GPR137B: variants seen among roughly 807,000 people sequenced by gnomAD.
GPR137B encodes integral membrane protein GPR137B.
Under a neutral mutation model 42.5 loss-of-function variants are expected in GPR137B, and 42 were observed. The ratio of observed to expected loss-of-function variants is 0.99; its 90% CI spans 0.77 to 1.28. The LOEUF (loss-of-function observed/expected upper bound fraction) is 1.28. Among genes scored for constraint, GPR137B ranks in the 50% most tolerant of loss-of-function variants. GPR137B has a pLI of 0.00. For missense variants in GPR137B, 487 were observed against 493.9 expected (o/e 0.99, Z 0.13); for synonymous variants, 218 against 209.7 (o/e 1.04, Z -0.34).
chr1:236,173,565 G>A (rs960744385), intron 2 of GPR137B, among the ~76,000 whole-genome samples: 2 of 152,122 alleles, frequency 1.3e-5, no homozygotes, highest in African/African-American at 2.4e-5. Context: ...TTGAAGACTC[G>A]CCTCATCCCT....
chr1:236,145,731 C>T (rs1306092158), intron 1 of GPR137B, among the ~76,000 whole-genome samples: 1 of 152,090 alleles, frequency 6.6e-6, no homozygotes, highest in East Asian at 1.9e-4. Context: ...CGGTATTGTC[C>T]CCATTTTCCA....
intron 2 of GPR137B, among the ~76,000 whole-genome samples, chr1:236,178,205 A>G (rs546436921): frequency 6.6e-6 from 1 of 152,272 alleles, no homozygotes; most frequent in African/African-American, 2.4e-5. Flanking sequence ...CAGATGGGGA[A>G]AGTGGGGTTC....
chr1:236,199,718 T>G (rs530765711), intron 5 of GPR137B, among the ~76,000 whole-genome samples: 2 of 152,020 alleles, frequency 1.3e-5, no homozygotes, highest in Non-Finnish European at 2.9e-5. Flanking sequence ...CCCATTTTGT[T>G]TCTAATTGAG....
At chr1:236,161,897 T>G (rs888859562) in intron 1 of GPR137B, among the ~76,000 whole-genome samples, 3 of 152,112 alleles carry the variant, frequency 2.0e-5, no homozygotes, top group African/African-American at 7.2e-5. Flanking sequence ...ATCAGCAGTG[T>G]GAAAATGGAC....
chr1:236,148,904 T>C (rs1661757383), intron 1 of GPR137B, among the ~76,000 whole-genome samples: 1 of 152,012 alleles, frequency 6.6e-6, no homozygotes, highest in Admixed American at 6.6e-5. Context: ...CCAGTGTGGG[T>C]CCCATGGCTG....
intron 1 of GPR137B, among the ~76,000 whole-genome samples, chr1:236,148,906 C>T (rs2102889444): frequency 6.6e-6 from 1 of 152,262 alleles, no homozygotes; most frequent in East Asian, 1.9e-4. Context: ...AGTGTGGGTC[C>T]CATGGCTGGT....
At chr1:236,207,359 C>A in intron 6 of GPR137B, 1 of 681,856 alleles carries the variant, frequency 1.5e-6, no homozygotes, top group Non-Finnish European at 1.8e-6. Context: ...AGATTCTGAG[C>A]TCCACCTCTT....
intron 1 of GPR137B, among the ~76,000 whole-genome samples, chr1:236,148,044 G>A (rs958882054): frequency 4.6e-5 from 7 of 152,208 alleles, no homozygotes; most frequent in Non-Finnish European, 7.3e-5. Context: ...TTCTGCTCCC[G>A]GCTGCATGAG....
At chr1:236,188,761 G>A in intron 5 of GPR137B, among the ~76,000 whole-genome samples, 1 of 152,196 alleles carries the variant, frequency 6.6e-6, no homozygotes, top group East Asian at 1.9e-4. Flanking sequence ...GTTCATCAGA[G>A]ATATTGGTCT....
intron 1 of GPR137B, among the ~76,000 whole-genome samples, chr1:236,166,585 CAGAG>C (rs1482253328): frequency 2.7e-5 from 4 of 145,944 alleles, no homozygotes; most frequent in Non-Finnish European, 4.4e-5. Context: ...GGATTTATGA[CAGAG>C]AGAAAACTCA....
intron 5 of GPR137B, among the ~76,000 whole-genome samples, chr1:236,192,242 G>T (rs995120111): frequency 6.6e-5 from 10 of 152,178 alleles, no homozygotes; most frequent in African/African-American, 2.4e-4. Context: ...TCAAACCAGT[G>T]GATCTTAGTT....
At chr1:236,181,952 G>A (rs907126109) in intron 4 of GPR137B, among the ~76,000 whole-genome samples, 8 of 140,560 alleles carry the variant, frequency 5.7e-5, no homozygotes, top group Non-Finnish European at 1.1e-4. Context: ...GAGTGCAGCC[G>A]CACAATCTTG....
chr1:236,182,904 T>C (rs560960584), intron 4 of GPR137B, among the ~76,000 whole-genome samples: 2 of 152,266 alleles, frequency 1.3e-5, no homozygotes, highest in African/African-American at 4.8e-5. Flanking sequence ...GTTGTATGAC[T>C]TACTTGTGCG....
chr1:236,205,044 T>G, intron 5 of GPR137B, 82 bp from the exon 6 acceptor site: 1 of 1,112,586 alleles, frequency 9.0e-7, no homozygotes, highest in Non-Finnish European at 1.3e-6. Context: ...ATCTTTAGTC[T>G]CCTACAAGAA....
At chr1:236,143,160 A>C in intron 1 of GPR137B, 124 bp downstream of exon 1, 4 of 786,506 alleles carry the variant, frequency 5.1e-6, no homozygotes, top group Non-Finnish European at 8.2e-6. Flanking sequence ...TGTAGGGAGA[A>C]GGCGCCGGCT....
intron 5 of GPR137B, among the ~76,000 whole-genome samples, chr1:236,189,947 TA>T (rs1420172723): frequency 6.6e-6 from 1 of 152,202 alleles, no homozygotes; most frequent in African/African-American, 2.4e-5. Context: ...TGTGGGGGTC[TA>T]AGTGTCTTTG....
chr1:236,203,014 G>C (rs1412029543), intron 5 of GPR137B, among the ~76,000 whole-genome samples: 3 of 152,104 alleles, frequency 2.0e-5, no homozygotes, highest in Non-Finnish European at 4.4e-5. Flanking sequence ...TTCACTGTAG[G>C]TGTGTGGATT....
At chr1:236,207,004 C>G (rs1663681329) in intron 6 of GPR137B, 1 of 261,610 alleles carries the variant, frequency 3.8e-6, no homozygotes, top group Non-Finnish European at 5.9e-6. Context: ...GCATTAACAA[C>G]TTTACAACTT....
intron 3 of GPR137B, among the ~76,000 whole-genome samples, chr1:236,178,869 C>T (rs1209349331): frequency 1.6e-5 from 2 of 124,436 alleles, no homozygotes; most frequent in Non-Finnish European, 3.2e-5. Flanking sequence ...GTGATCTCGG[C>T]TCACTGCAAG....
Sources: allele counts gnomAD v4.1 joint callset (sites outside exome capture counted in the v4.1 genomes callset), GRCh38; gene constraint gnomAD v4.1.1; transcripts MANE v1.5; gene names NCBI Gene and HGNC (gene_info 2026-07-23, HGNC 2026-07-21).